The following RNF213 variants were observed in gnomAD, a reference collection of about 807,000 sequenced individuals.
RNF213 encodes the protein ring finger protein 213, also known as E3 ubiquitin-protein ligase RNF213.
In RNF213, 341 loss-of-function variants were observed where a neutral mutation model predicts 514.4. That is an observed-to-expected ratio of 0.66 (90% CI 0.61 to 0.73). The LOEUF is 0.73. RNF213 is among the 30% of genes least tolerant of loss of function. The pLI, the probability that RNF213 is intolerant of heterozygous loss-of-function variation, is 0.00. For missense variants in RNF213, 5,767 were observed against 6,615.6 expected (o/e 0.87, Z 4.45); for synonymous variants, 2,655 against 2,658.2 (o/e 1.00, Z 0.04).
rs1488641298 is a variant in RNF213 at position 80,394,601 on chromosome 17, T to TA, written c.*1104dup. On this transcript the variant is annotated 3_prime_UTR_variant, in exon 68 of 68. Transcript: ENST00000582970. ...CAGCTCAGCACAGCTATTGATATGT[T>TA]AGAGGCAGTATCCTTAATATTCATT... 6.6e-6 allele frequency: 1 copy of TA among 152,242 alleles called. No individual in the cohort carries two copies. The highest frequency in any genetic ancestry group is 2.4e-5 in the African/African-American group (1 of 41,454). The allele number at this position is 152,242 out of a possible 1,614,324, so 9.4% of individuals were successfully genotyped here. A position where few individuals can be genotyped will look rare whatever the true frequency, so the allele number is the denominator to read the frequency against.
chr17:80,306,162 C>A, intron 11 of RNF213, 90 bp from the exon 12 acceptor site: 1 of 1,252,138 alleles, frequency 8.0e-7, no homozygotes, highest in Non-Finnish European at 1.2e-6. Flanking sequence ...GAATTCGGGA[C>A]TGTTTCTGTC....
In RNF213 at chr17:80,377,780, C is replaced by T. The variant is rs376868230; in HGVS notation, c.13529C>T (p.Pro4510Leu). The change falls in exon 54 of 68, where the codon CCT becomes CTT. Residue 4510 changes from proline to leucine, a missense_variant. By Grantham distance (98) the Pro-to-Leu change is moderately conservative. Transcript: ENST00000582970. This position sits in a 1 kb window ranked among gnomAD's most constrained non-coding sequence, Gnocchi z 4.1. The part of the protein sequence containing the change: ...VHWYTCPNGH[P>L]CSVGECGRPM... ...TTCACAGCTTGTCCCAACGGCCATC[C>T]TTGCTCCGTGGGAGAGGTGAGTCTT... 4 of 1,613,992 alleles carry T rather than the reference C, an allele frequency of 2.5e-6. No homozygotes were observed. The highest frequency in any genetic ancestry group is 3.4e-6 in the Non-Finnish European group (4 of 1,179,984).
chr17:80,268,787 T>C (rs969518090), intron 2 of RNF213, among the ~76,000 whole-genome samples: 2 of 152,156 alleles, frequency 1.3e-5, no homozygotes, highest in African/African-American at 4.8e-5. Context: ...ACAGAACTAA[T>C]AGGATCTATG....
chr17:80,391,332 G>A lies in RNF213; in HGVS notation c.15470+1136G>A, dbSNP rs577213671. On this transcript the variant is annotated intron_variant, in intron 67 of 67. Transcript: ENST00000582970. ...CCCACCCAAGCTGGAGTGCAGTGGC[G>A]CAATCTTGGCTTAGTGCAACCGCTG... Among the ~76,000 whole-genome samples the A allele has an allele frequency of 1.7e-4, 26 of 152,204 alleles. 1 individual carries two copies. The South Asian group carries it at 4.6e-3, about 27-fold the overall frequency.
chr17:80,271,274 G>A (rs1444559783), intron 2 of RNF213, among the ~76,000 whole-genome samples: 1 of 152,172 alleles, frequency 6.6e-6, no homozygotes, highest in Non-Finnish European at 1.5e-5. Context: ...GTATGTAGAC[G>A]TTTAGAGGAT....
chr17:80,363,049 CAT>C (rs2079114069), intron 39 of RNF213, 51 bp from the exon 40 acceptor site: 2 of 1,498,134 alleles, frequency 1.3e-6, no homozygotes, highest in Admixed American at 1.7e-5. Context: ...ACGGGGAAAA[CAT>C]ACCATTTTTG....
chr17:80,342,025 C>G (rs2078168290), intron 26 of RNF213: 1 of 152,344 alleles, frequency 6.6e-6, no homozygotes, highest in African/African-American at 2.4e-5. Context: ...TCTCAAACTC[C>G]TGACCTTGAG....
chr17:80,292,314 C>T (rs761272619), intron 8 of RNF213, among the ~76,000 whole-genome samples: 1 of 152,140 alleles, frequency 6.6e-6, no homozygotes, highest in Non-Finnish European at 1.5e-5. Context: ...GTGATCTGCC[C>T]TCCTCGACCT....
chr17:80,326,492 G>A (rs567166114), intron 18 of RNF213, among the ~76,000 whole-genome samples: 4 of 152,242 alleles, frequency 2.6e-5, no homozygotes, highest in South Asian at 2.1e-4. Flanking sequence ...TCCATAGTTC[G>A]TTCCTGGTGT....
At chr17:80,318,080 C>G (rs1035980068) in intron 16 of RNF213, among the ~76,000 whole-genome samples, 1 of 152,152 alleles carries the variant, frequency 6.6e-6, no homozygotes, top group African/African-American at 2.4e-5. Flanking sequence ...TAAACCGTCT[C>G]TCCTTGGAAG....
At chr17:80,366,424 T>G (rs1024806582) in intron 42 of RNF213, among the ~76,000 whole-genome samples, 21 of 152,220 alleles carry the variant, frequency 1.4e-4, no homozygotes, top group African/African-American at 5.1e-4. Flanking sequence ...CTATCTGATT[T>G]TTTTCATAAT....
intron 54 of RNF213, among the ~76,000 whole-genome samples, chr17:80,379,294 T>C (rs377029201): frequency 1.3e-5 from 2 of 152,328 alleles, no homozygotes; most frequent in East Asian, 1.9e-4. Context: ...CACAGGCTAG[T>C]GTGATAGATG....
In RNF213 at chr17:80,349,868, G is replaced by T; in HGVS notation, c.10050G>T (p.Gln3350His). The change falls in exon 30 of 68, where the codon CAG becomes CAT. Residue 3350 changes from glutamine (Q) to histidine (H), a missense_variant. Around this residue, in one of 13 missense-constraint regions of RNF213, gnomAD observed 919 missense variants for 1,121.0 expected, o/e 0.82. Transcript: ENST00000582970. Reference sequence around the variant, plus strand: ...CGAAACCCACACTCCTGTGGCTGCAGCAGTTTGACACCGAGTACTCATTCC... The same window carrying T: ...CGAAACCCACACTCCTGTGGCTGCATCAGTTTGACACCGAGTACTCATTCC... Reference protein sequence around the residue: ...RAPKPTLLWLQQFDTEYSFLK... With the variant: ...RAPKPTLLWLHQFDTEYSFLK... The T allele has an allele frequency of 6.2e-7, 1 of 1,614,084 alleles. No homozygotes were observed. The highest frequency in any genetic ancestry group is 1.1e-5 in the South Asian group (1 of 91,072).
rs751463016 is a variant in RNF213 at position 80,288,747 on chromosome 17, C to A, written c.925C>A (p.His309Asn). ...PPATTPPFKTHCQEAETKTKD... is the reference protein window; with the variant it reads ...PPATTPPFKTNCQEAETKTKD... Reference sequence around the variant, plus strand: ...AGCAACCACTCCTCCTTTCAAAACACACTGCCAGGTGCGTCTCCTTCCTGC... The same window carrying A: ...AGCAACCACTCCTCCTTTCAAAACAAACTGCCAGGTGCGTCTCCTTCCTGC... The change falls in exon 5 of 68, where the codon CAC becomes AAC. Residue 309 changes from histidine to asparagine, a missense_variant. By Grantham distance (68) the His-to-Asn change is moderately conservative (BLOSUM62 1). Around this residue, in one of 13 missense-constraint regions of RNF213, gnomAD observed 509 missense variants for 496.7 expected, o/e 1.02. Coordinates refer to ENST00000582970, the MANE Select transcript of RNF213 (RefSeq NM_001256071.3). The surrounding 1 kb of genome is among the most constrained non-coding windows in gnomAD (Gnocchi z 4.9). The A allele has an allele frequency of 3.1e-6, 5 of 1,614,198 alleles. No homozygotes were observed. In the South Asian group the frequency reaches 5.5e-5, roughly 18 times the overall value.
chr17:80,352,793 C>A lies in RNF213; in HGVS notation c.10304-147C>A, dbSNP rs889562301. 17 of 1,233,248 alleles carry A rather than the reference C, an allele frequency of 1.4e-5. No homozygotes were observed. The African/African-American group carries it at 1.6e-4, about 12-fold the overall frequency. 76.4% of individuals were successfully genotyped at this position (1,233,248 alleles called of 1,614,324 possible). A position where few individuals can be genotyped will look rare whatever the true frequency, so the allele number is the denominator to read the frequency against. The stretch of plus-strand genomic sequence containing the variant: ...TCGGGTTGGGTGGTTTCTGCGCAGG[C>A]CCATTCCAGGGTTTCGGCTTCAGGG... On this transcript the variant is annotated intron_variant, in intron 32 of 67. Transcript: ENST00000582970.
chr17:80,309,207 G>T (rs377631090), intron 14 of RNF213, 36 bp downstream of exon 14: 32 of 1,613,330 alleles, frequency 2.0e-5, no homozygotes, highest in Non-Finnish European at 2.5e-5. Flanking sequence ...TCACACCCGG[G>T]ATAGGTGCGG....
chr17:80,261,894 G>C (rs2043436690), intron 1 of RNF213, among the ~76,000 whole-genome samples: 1 of 152,210 alleles, frequency 6.6e-6, no homozygotes, highest in African/African-American at 2.4e-5. Flanking sequence ...GCGCATGCCT[G>C]TAACTCCACC....
intron 3 of RNF213, among the ~76,000 whole-genome samples, chr17:80,285,965 C>T (rs1037228321): frequency 9.9e-5 from 15 of 151,984 alleles, no homozygotes; most frequent in Admixed American, 4.6e-4. Flanking sequence ...CCTGAGCCAC[C>T]GCACCTGACC....
intron 10 of RNF213, among the ~76,000 whole-genome samples, chr17:80,296,871 G>A (rs1480152529): frequency 2.6e-5 from 4 of 151,786 alleles, no homozygotes; most frequent in East Asian, 2.0e-4. Context: ...TTGTAGAGAC[G>A]GGGTTTCACC....
Sources: allele counts gnomAD v4.1 joint callset (sites outside exome capture counted in the v4.1 genomes callset), GRCh38; gene constraint gnomAD v4.1.1; regional missense constraint gnomAD v4.1.1; non-coding constraint Gnocchi (gnomAD v3.1); transcripts MANE v1.5; gene names NCBI Gene and HGNC (gene_info 2026-07-23, HGNC 2026-07-21).